Variants in PCDH15 observed in about 807,000 individuals in gnomAD.
PCDH15 encodes protocadherin related 15.
In PCDH15, 129 loss-of-function variants were observed where a neutral mutation model predicts 178.5. That is an observed-to-expected ratio of 0.72 (90% CI 0.63 to 0.84). The LOEUF (loss-of-function observed/expected upper bound fraction) is 0.84. PCDH15 is among the 40% of genes least tolerant of loss of function. The probability of loss-of-function intolerance (pLI) is 0.00; values close to 1 mark genes in which losing one functional copy is unlikely to be tolerated. For missense variants in PCDH15, 2,230 were observed against 2,099.9 expected, an observed-to-expected ratio of 1.06 and a Z score of -1.21; for synonymous variants, 800 against 732.0, an observed-to-expected ratio of 1.09 and a Z score of -1.50.
rs146358832 is a variant in PCDH15, at chr10:54,009,664, A to G, written c.2751+10528T>C. ...GCATAACACATAGAGAACAGAGGAG[A>G]GCAAGACAAGACAACTGCCCACCCT... On this transcript the variant is annotated intron_variant, in intron 20 of 37. Transcript: ENST00000644397. 3.3e-4 allele frequency among the ~76,000 whole-genome samples: 50 copies of G among 152,306 alleles called. 1 individual carries two copies. Among genetic ancestry groups the G allele is most frequent in the African/African-American group, 1.1e-3 (45 of 41,564 alleles).
At chr10:54,663,221 A>C (rs976667520) in intron 2 of PCDH15, among the ~76,000 whole-genome samples, 15 of 151,902 alleles carry the variant, frequency 9.9e-5, no homozygotes, top group African/African-American at 3.6e-4. Flanking sequence ...TAGCCAAGCA[A>C]AGCACAAAAT....
chr10:55,331,405 T>C (rs551818451), intron 2 of PCDH15, among the ~76,000 whole-genome samples: 117 of 152,108 alleles, frequency 7.7e-4, no homozygotes, highest in Non-Finnish European at 1.5e-3. Flanking sequence ...GTTCCAATGG[T>C]TACAATATTT....
chr10:54,995,413 A>G (rs931114542), intron 2 of PCDH15, among the ~76,000 whole-genome samples: 3 of 151,684 alleles, frequency 2.0e-5, no homozygotes, highest in Non-Finnish European at 2.9e-5. Flanking sequence ...AAAAGAAGGA[A>G]AAAAATTATC....
chr10:54,231,574 G>C (rs1161744302), intron 9 of PCDH15, among the ~76,000 whole-genome samples: 3 of 152,176 alleles, frequency 2.0e-5, no homozygotes, highest in African/African-American at 7.2e-5. Flanking sequence ...CCAGACCCCA[G>C]AATGGTAGAT....
At chr10:55,252,601 A>G (rs1841867932) in intron 1 of PCDH15, among the ~76,000 whole-genome samples, 1 of 152,072 alleles carries the variant, frequency 6.6e-6, no homozygotes. Context: ...GAGTAATATA[A>G]ACATTAATTA....
chr10:55,292,191 C>T (rs1843024169), intron 1 of PCDH15, among the ~76,000 whole-genome samples: 1 of 151,862 alleles, frequency 6.6e-6, no homozygotes, highest in Admixed American at 6.6e-5. Context: ...CAAGGCAAGT[C>T]CCTTCTGCCT....
At chr10:55,571,940 A>T (rs1214624208) in intron 2 of PCDH15, among the ~76,000 whole-genome samples, 1 of 152,106 alleles carries the variant, frequency 6.6e-6, no homozygotes, top group Non-Finnish European at 1.5e-5. Context: ...GTCTGCTAGG[A>T]TATTTTTTAT....
chr10:55,069,070 T>G (rs1841646549), intron 2 of PCDH15, among the ~76,000 whole-genome samples: 2 of 151,312 alleles, frequency 1.3e-5, no homozygotes, highest in African/African-American at 4.9e-5. Context: ...GCTATTTTTT[T>G]TTTTTTTTGT....
intron 2 of PCDH15, among the ~76,000 whole-genome samples, chr10:55,137,702 G>C (rs1838235761): frequency 6.6e-6 from 1 of 152,066 alleles, no homozygotes; most frequent in South Asian, 2.1e-4. Context: ...TGAGGAAATA[G>C]CAAGTATATA....
intron 6 of PCDH15, among the ~76,000 whole-genome samples, chr10:54,333,551 T>C (rs1940331901): frequency 8.6e-6 from 1 of 116,414 alleles, no homozygotes; most frequent in African/African-American, 3.2e-5. Context: ...CTGAAGTGTT[T>C]ACCTAAAAAG....
intron 8 of PCDH15, among the ~76,000 whole-genome samples, chr10:54,263,161 C>A (rs532006461): frequency 6.6e-6 from 1 of 152,312 alleles, no homozygotes; most frequent in African/African-American, 2.4e-5. Context: ...CGGACATACC[C>A]TAAAACCTGC....
rs1340807033 is a variant in PCDH15, at chr10:55,521,188, C to G, written c.-156+106437G>C. Among the ~76,000 whole-genome samples, 13 of 151,928 alleles carry G rather than the reference C, an allele frequency of 8.6e-5. No homozygotes were observed. In the Admixed American group the frequency reaches 8.6e-4, roughly 10 times the overall value. On this transcript the variant is annotated intron_variant, in intron 2 of 5. Transcript: ENST00000613346. ...ATCATATGGTATTTGTCTTTCTTTA[C>G]CTGGCTTCGTTCACTTAGCATAATG...
intron 3 of PCDH15, among the ~76,000 whole-genome samples, chr10:54,453,379 T>C (rs2076605775): frequency 6.6e-6 from 1 of 151,962 alleles, no homozygotes; most frequent in Non-Finnish European, 1.5e-5. Context: ...CTGGAAACCA[T>C]CATCCTCAGC....
chr10:55,186,743 C>CTG (rs71014463), intron 1 of PCDH15, among the ~76,000 whole-genome samples: 56,285 of 150,228 alleles, frequency 0.37, 10,960 homozygotes, highest in South Asian at 0.47. Flanking sequence ...ATACTCTCCT[C>CTG]TGTGTGTGTG....
chr10:54,760,138 T>A (rs1947684025), intron 1 of PCDH15, among the ~76,000 whole-genome samples: 1 of 152,162 alleles, frequency 6.6e-6, no homozygotes, highest in Non-Finnish European at 1.5e-5. Context: ...AGTACTTGCT[T>A]ATAAAATGTT....
At chr10:55,627,416 A>G (rs1480640989) in intron 2 of PCDH15, among the ~76,000 whole-genome samples, 1 of 152,014 alleles carries the variant, frequency 6.6e-6, no homozygotes, top group African/African-American at 2.4e-5. Context: ...ACAAACACAT[A>G]CATGTAAGGA....
rs148223581 is a variant in PCDH15 at position 54,513,255 on chromosome 10, T to G, written c.157+14557A>C. ...CATTTATTTTTGTTTATTTATTTAT[T>G]TATTTATTTATTTATTTATTTATGA... On this transcript the variant is annotated intron_variant, in intron 3 of 37. Coordinates refer to ENST00000644397, the MANE Select transcript of PCDH15 (RefSeq NM_001384140.1). 2.0e-4 allele frequency among the ~76,000 whole-genome samples: 30 copies of G among 150,772 alleles called. 1 individual carries two copies. The East Asian group carries it at 5.8e-3, about 29-fold the overall frequency.
At position 55,145,548 on chromosome 10, in the gene PCDH15, T is replaced by C. The variant is rs527272586; in HGVS notation, c.-80+21028A>G. 4.6e-5 allele frequency among the ~76,000 whole-genome samples: 7 copies of C among 152,050 alleles called. 1 individual carries two copies. The South Asian group carries it at 1.2e-3, about 27-fold the overall frequency. The stretch of plus-strand genomic sequence containing the variant: ...CCATAATTGTAGGAGCTATAAACTT[T>C]TTCTACTTTATTAATATAGAGGAAT... On this transcript the variant is annotated intron_variant, in intron 2 of 5. Coordinates refer to the PCDH15 transcript ENST00000458638.
chr10:53,887,187 A>G (rs954614119), intron 26 of PCDH15, among the ~76,000 whole-genome samples: 2 of 152,166 alleles, frequency 1.3e-5, no homozygotes, highest in African/African-American at 4.8e-5. Context: ...GGCACCTCTC[A>G]GCTACTACCA....
Sources: allele counts gnomAD v4.1 joint callset (sites outside exome capture counted in the v4.1 genomes callset), GRCh38; gene constraint gnomAD v4.1.1; transcripts MANE v1.5; gene names NCBI Gene and HGNC (gene_info 2026-07-23, HGNC 2026-07-21).